Variants in TRIP4 observed in about 807,000 individuals in gnomAD.
The protein encoded by TRIP4 is activating signal cointegrator 1.
Under a neutral mutation model 81.8 loss-of-function variants are expected in TRIP4, and 54 were observed. The observed-to-expected ratio is 0.66, with a 90% CI of 0.53 to 0.83. The LOEUF is 0.83. Among genes scored for constraint, TRIP4 ranks in the 40% least tolerant of loss-of-function variants. The probability of loss-of-function intolerance (pLI) is 0.00; values close to 1 mark genes in which losing one functional copy is unlikely to be tolerated. For synonymous variants in TRIP4, 270 were observed against 242.8 expected, an observed-to-expected ratio of 1.11 and a Z score of -1.04; for missense variants, 662 against 683.6, an observed-to-expected ratio of 0.97 and a Z score of 0.35.
At chr15:64,400,930 A>G in intron 5 of TRIP4, 109 bp downstream of exon 5, 1 of 876,086 alleles carries the variant, frequency 1.1e-6, no homozygotes, top group East Asian at 2.7e-5. Flanking sequence ...TTATTCACTC[A>G]TTCTCAGTTT....
At chr15:64,433,914 G>A (rs1047788078) in intron 11 of TRIP4, among the ~76,000 whole-genome samples, 2 of 41,260 alleles carry the variant, frequency 4.8e-5, no homozygotes, top group Non-Finnish European at 8.2e-5. Flanking sequence ...TTTTTTGTGT[G>A]TGATTTTTTT....
intron 5 of TRIP4, among the ~76,000 whole-genome samples, chr15:64,404,997 T>C (rs1027043529): frequency 5.9e-5 from 9 of 151,792 alleles, no homozygotes; most frequent in Admixed American, 4.6e-4. Context: ...CCTAACCCAT[T>C]TTGGATCTTG....
intron 12 of TRIP4, among the ~76,000 whole-genome samples, chr15:64,453,202 T>C (rs1252206178): frequency 1.3e-5 from 2 of 152,138 alleles, no homozygotes; most frequent in East Asian, 1.9e-4. Context: ...TTTCAACTTA[T>C]GCAATACAGA....
At chr15:64,401,107 G>A (rs537028663) in intron 5 of TRIP4, among the ~76,000 whole-genome samples, 11 of 151,500 alleles carry the variant, frequency 7.3e-5, no homozygotes, top group African/African-American at 2.4e-4. Context: ...GATTGCAGGC[G>A]TGTGCCACCA....
At chr15:64,437,595 C>T (rs558002014) in intron 11 of TRIP4, among the ~76,000 whole-genome samples, 6 of 151,318 alleles carry the variant, frequency 4.0e-5, no homozygotes, top group East Asian at 3.9e-4. Flanking sequence ...CAGGTTCAAG[C>T]GATTCTCCTG....
At chr15:64,412,560 A>T (rs1435817541) in intron 7 of TRIP4, among the ~76,000 whole-genome samples, 3 of 146,046 alleles carry the variant, frequency 2.1e-5, no homozygotes, top group African/African-American at 7.6e-5. Context: ...GCCTCTTTAA[A>T]AAAAAAAAAA....
intron 11 of TRIP4, among the ~76,000 whole-genome samples, chr15:64,435,140 G>A (rs1040767641): frequency 7.3e-5 from 11 of 150,574 alleles, no homozygotes; most frequent in African/African-American, 2.7e-4. Context: ...CCCTTGAGCC[G>A]GGGAGGCAAG....
chr15:64,445,200 CTG>C, intron 12 of TRIP4, 92 bp downstream of exon 12: 1 of 632,368 alleles, frequency 1.6e-6, no homozygotes, highest in Non-Finnish European at 2.8e-6. Context: ...CTATAACTGA[CTG>C]TGAACAATCA....
intron 11 of TRIP4, 194 bp from the exon 12 acceptor site, chr15:64,444,812 G>T (rs955438864): frequency 4.8e-5 from 10 of 209,802 alleles, no homozygotes; most frequent in Non-Finnish European, 9.1e-5. Flanking sequence ...GCAGGCAATA[G>T]ACTGTATAAT....
chr15:64,442,639 ATTC>A (rs1250451307), intron 11 of TRIP4, among the ~76,000 whole-genome samples: 1 of 151,816 alleles, frequency 6.6e-6, no homozygotes, highest in African/African-American at 2.4e-5. Flanking sequence ...AAAAAAAAGA[ATTC>A]TATCAAGTTC....
chr15:64,403,591 G>A (rs1891561145), intron 5 of TRIP4, among the ~76,000 whole-genome samples: 1 of 152,170 alleles, frequency 6.6e-6, no homozygotes, highest in African/African-American at 2.4e-5. Flanking sequence ...TTATAATGTA[G>A]TCATCTGTGT....
At chr15:64,400,680 TATATC>T (rs1244738201) in intron 4 of TRIP4, 58 bp from the exon 5 acceptor site, 1 of 1,300,290 alleles carries the variant, frequency 7.7e-7, no homozygotes, top group East Asian at 2.3e-5. Flanking sequence ...TACTTTTAGA[TATATC>T]AAGAAAGCAA....
At chr15:64,436,498 A>AG (rs1412903351) in intron 11 of TRIP4, among the ~76,000 whole-genome samples, 3 of 147,710 alleles carry the variant, frequency 2.0e-5, no homozygotes, top group Admixed American at 6.7e-5. Context: ...AGGCTGAGGC[A>AG]GAGAATCACT....
At chr15:64,443,250 C>T (rs930019381) in intron 11 of TRIP4, among the ~76,000 whole-genome samples, 2 of 152,136 alleles carry the variant, frequency 1.3e-5, no homozygotes, top group African/African-American at 2.4e-5. Flanking sequence ...GATTTTGTTT[C>T]ATGCCAGACA....
intron 3 of TRIP4, 70 bp downstream of exon 3, chr15:64,395,601 G>T: frequency 6.6e-7 from 1 of 1,506,262 alleles, no homozygotes; most frequent in South Asian, 1.3e-5. Flanking sequence ...ATTTCAGAGA[G>T]CAAAGTGTAC....
At position 64,397,633 on chromosome 15, in the gene TRIP4, A is replaced by G; in HGVS notation, c.433A>G (p.Lys145Glu). ...KAQENSNSVK[K>E]KTKFVNLYTR... is the part of the protein sequence containing the mutation. Reference sequence around the variant, plus strand: ...ACAAGAGAACAGCAACTCCGTAAAGAAGAAGACAAAGTTTGTCAATTTATA... The same window carrying G: ...ACAAGAGAACAGCAACTCCGTAAAGGAGAAGACAAAGTTTGTCAATTTATA... The change falls in exon 4 of 13, where the codon AAG (lysine) becomes GAG (glutamate). Residue 145 changes from lysine to glutamate, a missense_variant. By Grantham distance (56) the Lys-to-Glu change is moderately conservative (BLOSUM62 1). Transcript: ENST00000261884. 5.0e-6 allele frequency: 8 copies of G among 1,613,324 alleles called. No individual in the cohort carries two copies. The highest frequency in any genetic ancestry group is 6.8e-6 in the Non-Finnish European group (8 of 1,179,228).
intron 6 of TRIP4, among the ~76,000 whole-genome samples, chr15:64,407,418 G>A (rs990221472): frequency 2.0e-5 from 3 of 151,908 alleles, no homozygotes; most frequent in South Asian, 2.1e-4. Flanking sequence ...CTGTAATCCC[G>A]GCACTTGGGG....
intron 11 of TRIP4, among the ~76,000 whole-genome samples, chr15:64,432,436 A>ACACC (rs1892299107): frequency 6.6e-6 from 1 of 151,352 alleles, no homozygotes; most frequent in African/African-American, 2.4e-5. Context: ...CAGCTTGGTG[A>ACACC]CCATCTCTAC....
At position 64,425,642 on chromosome 15, in the gene TRIP4, A is replaced by C; in HGVS notation, c.1575+11A>C. On this transcript the variant is annotated intron_variant, in intron 11 of 12. Transcript: ENST00000261884. The stretch of plus-strand genomic sequence containing the variant: ...CAATTTAAGGAGCAGGTGAGTAAAG[A>C]ATACTTTTTTTTTTTAGAGACAGGG... 3 of 1,598,834 alleles carry C rather than the reference A, an allele frequency of 1.9e-6. No individual in the cohort carries two copies. Among genetic ancestry groups the C allele is most frequent in the Non-Finnish European group, 2.6e-6 (3 of 1,172,600 alleles).
Sources: allele counts gnomAD v4.1 joint callset (sites outside exome capture counted in the v4.1 genomes callset), GRCh38; gene constraint gnomAD v4.1.1; transcripts MANE v1.5; gene names NCBI Gene and HGNC (gene_info 2026-07-23, HGNC 2026-07-21).